Variants in AIF1 observed in about 807,000 individuals in gnomAD.
AIF1 encodes the protein interferon gamma responsive transcript.
AIF1 carries 21 observed loss-of-function variants against 20.6 expected under a neutral mutation model. The ratio of observed to expected loss-of-function variants is 1.02; its 90% CI spans 0.72 to 1.47. The LOEUF is 1.47. Among genes scored for constraint, AIF1 ranks in the 40% most tolerant of loss-of-function variants. AIF1 has a pLI of 0.00. For synonymous variants in AIF1, 52 were observed against 65.8 expected, an observed-to-expected ratio of 0.79 and a Z score of 1.01; for missense variants, 161 against 170.5, an observed-to-expected ratio of 0.94 and a Z score of 0.31.
At chr6:31,615,899 G>T in intron 3 of AIF1, 163 bp downstream of exon 3, 1 of 1,479,698 alleles carries the variant, frequency 6.8e-7, no homozygotes, top group South Asian at 1.4e-5. Flanking sequence ...TCCCTTTCCC[G>T]GGCCTGCCTC....
At position 31,616,767 on chromosome 6, in the gene AIF1, C is replaced by G; in HGVS notation, c.360-49C>G. 6.2e-7 allele frequency: 1 copy of G among 1,613,612 alleles called. No homozygotes were observed. The highest frequency in any genetic ancestry group is 8.5e-7 in the Non-Finnish European group (1 of 1,179,712). On this transcript the variant is annotated intron_variant, in intron 5 of 5. Transcript: ENST00000376059. This position sits in a 1 kb window ranked among gnomAD's most constrained non-coding sequence, Gnocchi z 4.0. ...TTCCTAGCACCCTATGATTTATTCC[C>G]TTGAGAGGAGTGTTCCCTGATCCCT...
chr6:31,615,886 C>A (rs1471425563), intron 3 of AIF1, 150 bp downstream of exon 3: 4 of 1,485,766 alleles, frequency 2.7e-6, no homozygotes, highest in South Asian at 1.4e-5. Flanking sequence ...TGCCACACTG[C>A]GGTCCCTTTC....
chr6:31,616,496 A>T lies in AIF1; in HGVS notation c.349A>T (p.Ile117Phe), dbSNP rs780200791. 5.0e-6 allele frequency: 8 copies of T among 1,607,042 alleles called. No individual in the cohort carries two copies. The highest frequency in any genetic ancestry group is 3.4e-5 in the Admixed American group (2 of 59,228). ...LRMMLGKRSAILKMILMYEEK... is the reference protein window; with the variant it reads ...LRMMLGKRSAFLKMILMYEEK... The stretch of plus-strand genomic sequence containing the variant: ...GATGATGCTGGGCAAGAGATCTGCC[A>T]TCCTAAAAATGTGAGTGTCAATTTC... The change falls in exon 5 of 6, where the codon ATC becomes TTC. Residue 117 changes from isoleucine (I) to phenylalanine (F), a missense_variant. Coordinates refer to ENST00000376059, the MANE Select transcript of AIF1 (RefSeq NM_001623.5). The surrounding 1 kb of genome is among the most constrained non-coding windows in gnomAD (Gnocchi z 4.0).
chr6:31,615,786 T>C (rs1774289583), intron 3 of AIF1, 50 bp downstream of exon 3: 2 of 1,578,764 alleles, frequency 1.3e-6, no homozygotes, highest in Non-Finnish European at 1.7e-6. Flanking sequence ...GTAGGAGGGT[T>C]AGGATTTCCA....
At position 31,616,935 on chromosome 6, in the gene AIF1, C is replaced by T. The variant is rs1032780566; in HGVS notation, c.*35C>T. The stretch of plus-strand genomic sequence containing the variant: ...AAAAGGGATGATGGGATTGAAGGGG[C>T]TTCTAATGACCCAGATATGGAAACA... On this transcript the variant is annotated 3_prime_UTR_variant, in exon 6 of 6. Transcript: ENST00000376059. The surrounding 1 kb of genome is among the most constrained non-coding windows in gnomAD (Gnocchi z 4.0). 1.9e-6 allele frequency: 3 copies of T among 1,613,274 alleles called. No individual in the cohort carries two copies. Among genetic ancestry groups the T allele is most frequent in the Non-Finnish European group, 2.5e-6 (3 of 1,179,648 alleles).
Position 31,616,727 on chromosome 6 carries a change from A to T in AIF1, c.360-89A>T, listed in dbSNP as rs1774411475. The T allele has an allele frequency of 1.9e-6, 3 of 1,586,098 alleles. No homozygotes were observed. The highest frequency in any genetic ancestry group is 2.6e-6 in the Non-Finnish European group (3 of 1,163,876). ...TTCCCCCTTCCACCCTCACATCCCCATCCCCTTCTAGCCTTTCCTAGCACC... is the reference window on the plus strand; with the variant it reads ...TTCCCCCTTCCACCCTCACATCCCCTTCCCCTTCTAGCCTTTCCTAGCACC... On this transcript the variant is annotated intron_variant, in intron 5 of 5. Coordinates refer to ENST00000376059, the MANE Select transcript of AIF1 (RefSeq NM_001623.5). This position sits in a 1 kb window ranked among gnomAD's most constrained non-coding sequence, Gnocchi z 4.0.
At position 31,616,506 on chromosome 6, in the gene AIF1, TGTGA is replaced by T. The variant is rs760687989; in HGVS notation, c.359+4_359+7del. The stretch of plus-strand genomic sequence containing the variant: ...GGCAAGAGATCTGCCATCCTAAAAA[TGTGA>T]GTGTCAATTTCCAACCTCCCCTGTA... On this transcript the variant is annotated splice_donor_variant and splice_donor_region_variant and intron_variant, in intron 5 of 5. Transcript: ENST00000376059. LOFTEE classifies it high-confidence loss of function. This position sits in a 1 kb window ranked among gnomAD's most constrained non-coding sequence, Gnocchi z 4.0. 3.7e-6 allele frequency: 6 copies of T among 1,603,750 alleles called. No individual in the cohort carries two copies. Among genetic ancestry groups the T allele is most frequent in the Non-Finnish European group, 5.1e-6 (6 of 1,174,712 alleles).
rs1414519476 is a variant in AIF1, at chr6:31,616,653, C to G, written c.359+147C>G. 3 of 1,489,106 alleles carry G rather than the reference C, an allele frequency of 2.0e-6. No homozygotes were observed. In the African/African-American group the frequency reaches 4.2e-5, roughly 21 times the overall value. The allele number at this position is 1,489,106 out of a possible 1,614,324, so 92.2% of individuals were successfully genotyped here. On this transcript the variant is annotated intron_variant, in intron 5 of 5. Coordinates refer to ENST00000376059, the MANE Select transcript of AIF1 (RefSeq NM_001623.5). This position sits in a 1 kb window ranked among gnomAD's most constrained non-coding sequence, Gnocchi z 4.0. ...GACCCTTCCAAGGTCCCGACCCCAT[C>G]CCTATCCATAGTCCTGGTCCCCAGA...
At chr6:31,615,647 G>A (rs760517350) in intron 2 of AIF1, 23 bp from the exon 3 acceptor site, 19 of 1,613,288 alleles carry the variant, frequency 1.2e-5, no homozygotes, top group Non-Finnish European at 1.6e-5. Flanking sequence ...GGCCTACCCT[G>A]GCTCTTATTT....
chr6:31,616,964 G>A lies in AIF1; in HGVS notation c.*64G>A, dbSNP rs1473379737. On this transcript the variant is annotated 3_prime_UTR_variant, in exon 6 of 6. Transcript: ENST00000376059. The surrounding 1 kb of genome is among the most constrained non-coding windows in gnomAD (Gnocchi z 4.0). Reference sequence around the variant, plus strand: ...TAATGACCCAGATATGGAAACAGAAGACAAAATTGTAAGCCAGAGTCAACA... The same window carrying A: ...TAATGACCCAGATATGGAAACAGAAAACAAAATTGTAAGCCAGAGTCAACA... The A allele has an allele frequency of 8.7e-6, 14 of 1,600,020 alleles. No individual in the cohort carries two copies. The highest frequency in any genetic ancestry group is 1.3e-5 in the African/African-American group (1 of 74,276).
At chr6:31,615,473 GGAGA>G in intron 1 of AIF1, 44 bp from the exon 2 acceptor site, 1 of 1,613,842 alleles carries the variant, frequency 6.2e-7, no homozygotes, top group Non-Finnish European at 8.5e-7. Context: ...GTCAGGGTAA[GGAGA>G]GGAAGGGAGG....
chr6:31,616,293 G>C lies in AIF1; in HGVS notation c.197-51G>C. ...AGAATGGGGATGCGGAAGTGGGAGA[G>C]GAGAGAGAGGGTCTCCCCACCTTCT... On this transcript the variant is annotated intron_variant, in intron 4 of 5. Coordinates refer to ENST00000376059, the MANE Select transcript of AIF1 (RefSeq NM_001623.5). This position sits in a 1 kb window ranked among gnomAD's most constrained non-coding sequence, Gnocchi z 4.0. 2 of 1,612,890 alleles carry C rather than the reference G, an allele frequency of 1.2e-6. No individual in the cohort carries two copies. Among genetic ancestry groups the C allele is most frequent in the Non-Finnish European group, 1.7e-6 (2 of 1,179,920 alleles).
rs1182214060 is a variant in AIF1, at chr6:31,615,333, A to G, written c.4A>G (p.Ser2Gly). 3 of 1,358,102 alleles carry G rather than the reference A, an allele frequency of 2.2e-6. No individual in the cohort carries two copies. The highest frequency in any genetic ancestry group is 2.5e-5 in the East Asian group (1 of 39,264). The allele number at this position is 1,358,102 out of a possible 1,614,324, so 84.1% of individuals were successfully genotyped here. A position where few individuals can be genotyped will look rare whatever the true frequency, so the allele number is the denominator to read the frequency against. The stretch of plus-strand genomic sequence containing the variant: ...CTCTACCAGCATCTGCTGAGCTATG[A>G]GCCAAACCAGGGATTTACAGGGTAG... M[S>G]QTRDLQGGKA... is the part of the protein sequence containing the mutation. Residue 2 changes from serine (S) to glycine (G), a missense_variant, in exon 1 of 6, where the codon AGC becomes GGC. Physicochemically the swap from Ser to Gly is moderately conservative, Grantham distance 56 (BLOSUM62 0). Transcript: ENST00000376059.
Position 31,615,910 on chromosome 6 carries a change from T to A in AIF1, c.154+174T>A, listed in dbSNP as rs1774302958. Reference sequence around the variant, plus strand: ...GCGGTCCCTTTCCCGGGCCTGCCTCTCTCAGCATCCCCTCTAGCTCCTTAC... The same window carrying A: ...GCGGTCCCTTTCCCGGGCCTGCCTCACTCAGCATCCCCTCTAGCTCCTTAC... On this transcript the variant is annotated intron_variant, in intron 3 of 5. Transcript: ENST00000376059. 2.0e-6 allele frequency: 3 copies of A among 1,480,028 alleles called. No individual in the cohort carries two copies. The African/African-American group carries it at 4.2e-5, about 21-fold the overall frequency. The allele number at this position is 1,480,028 out of a possible 1,614,324, so 91.7% of individuals were successfully genotyped here. A position where few individuals can be genotyped will look rare whatever the true frequency, so the allele number is the denominator to read the frequency against.
rs775874705 is a variant in AIF1 at position 31,616,910 on chromosome 6, A to G, written c.*10A>G. On this transcript the variant is annotated 3_prime_UTR_variant, in exon 6 of 6. Transcript: ENST00000376059. The surrounding 1 kb of genome is among the most constrained non-coding windows in gnomAD (Gnocchi z 4.0). Reference sequence around the variant, plus strand: ...CTCTGAGTTGCCCTGATTTGAAGGGAAAAGGGATGATGGGATTGAAGGGGC... The same window carrying G: ...CTCTGAGTTGCCCTGATTTGAAGGGGAAAGGGATGATGGGATTGAAGGGGC... The G allele has an allele frequency of 6.2e-7, 1 of 1,614,034 alleles. No individual in the cohort carries two copies. Among genetic ancestry groups the G allele is most frequent in the African/African-American group, 1.3e-5 (1 of 74,936 alleles).
Position 31,616,719 on chromosome 6 carries a change from A to C in AIF1, c.360-97A>C, listed in dbSNP as rs1774408997. On this transcript the variant is annotated intron_variant, in intron 5 of 5. Transcript: ENST00000376059. This position sits in a 1 kb window ranked among gnomAD's most constrained non-coding sequence, Gnocchi z 4.0. Reference sequence around the variant, plus strand: ...CCTTCCTCTTCCCCCTTCCACCCTCACATCCCCATCCCCTTCTAGCCTTTC... The same window carrying C: ...CCTTCCTCTTCCCCCTTCCACCCTCCCATCCCCATCCCCTTCTAGCCTTTC... The C allele has an allele frequency of 2.6e-6, 4 of 1,567,626 alleles. No homozygotes were observed. Among genetic ancestry groups the C allele is most frequent in the Non-Finnish European group, 2.6e-6 (3 of 1,154,360 alleles).
rs757111938 is a variant in AIF1, at chr6:31,615,325, G to A, written c.-5G>A. On this transcript the variant is annotated 5_prime_UTR_variant, in exon 1 of 6. Coordinates refer to ENST00000376059, the MANE Select transcript of AIF1 (RefSeq NM_001623.5). ...CTCCCCACCTCTACCAGCATCTGCT[G>A]AGCTATGAGCCAAACCAGGGATTTA... The A allele has an allele frequency of 1.2e-5, 19 of 1,601,714 alleles. No individual in the cohort carries two copies. The African/African-American group carries it at 2.0e-4, about 17-fold the overall frequency.
rs771657982 is a variant in AIF1, at chr6:31,616,559, T to C, written c.359+53T>C. ...TACTTACCTGTTTTCTCCTCCCCCA[T>C]CCCTACCCTTGTCCACAGGCTCAAC... On this transcript the variant is annotated intron_variant, in intron 5 of 5. Transcript: ENST00000376059. This position sits in a 1 kb window ranked among gnomAD's most constrained non-coding sequence, Gnocchi z 4.0. 1.3e-6 allele frequency: 2 copies of C among 1,550,336 alleles called. No homozygotes were observed.
intron 3 of AIF1, 122 bp downstream of exon 3, chr6:31,615,858 C>G (rs939754489): frequency 4.6e-6 from 7 of 1,508,830 alleles, no homozygotes; most frequent in Non-Finnish European, 6.2e-6. Flanking sequence ...AAAGGGGAAC[C>G]TGCCTTTATT....
Sources: gnomAD v4.1 joint callset for allele counts on GRCh38, gnomAD v4.1.1 for gene constraint, Gnocchi (gnomAD v3.1) non-coding constraint, MANE v1.5 for transcripts, NCBI Gene and HGNC (gene_info 2026-07-23, HGNC 2026-07-21) for gene names.